The following L3MBTL4 variants were observed in gnomAD, a reference collection of about 807,000 sequenced individuals.
L3MBTL4 encodes the protein L3MBTL histone methyl-lysine binding protein 4, also known as lethal(3)malignant brain tumor-like protein 4.
Under a neutral mutation model 84.5 loss-of-function variants are expected in L3MBTL4, and 70 were observed. The observed-to-expected ratio is 0.83, with a 90% CI of 0.68 to 1.01. The LOEUF is 1.01. Among genes scored for constraint, L3MBTL4 ranks in the 50% least tolerant of loss-of-function variants. The probability of loss-of-function intolerance (pLI) is 0.00; values close to 1 mark genes in which losing one functional copy is unlikely to be tolerated. For synonymous variants in L3MBTL4, 274 were observed against 259.8 expected, an observed-to-expected ratio of 1.05 and a Z score of -0.52; for missense variants, 715 against 754.8, an observed-to-expected ratio of 0.95 and a Z score of 0.62.
chr18:6,092,175 A>G (rs9965494), intron 15 of L3MBTL4, among the ~76,000 whole-genome samples: 132,407 of 152,284 alleles, frequency 0.87, 57,845 homozygotes, highest in East Asian at 0.99. Flanking sequence ...AGTCATGTGC[A>G]CAGAGATCAA....
Position 6,295,346 on chromosome 18 carries a change from C to CTCTATA in L3MBTL4, c.127+6556_127+6557insTATAGA, listed in dbSNP as rs1261475809. On this transcript the variant is annotated intron_variant, in intron 4 of 18. Coordinates refer to ENST00000317931, the MANE Select transcript of L3MBTL4 (RefSeq NM_001330559.2). ...TCTCTCTCTCTCTCTCTCTCTCTCTCTATATATATATATATATATATATAT... is the reference window on the plus strand; with the variant it reads ...TCTCTCTCTCTCTCTCTCTCTCTCTCTCTATATATATATATATATATATATATATAT... Among the ~76,000 whole-genome samples, 392 of 81,314 alleles carry CTCTATA rather than the reference C, an allele frequency of 4.8e-3. 4 individuals carry two copies. Among genetic ancestry groups the CTCTATA allele is most frequent in the African/African-American group, 0.012 (187 of 15,064 alleles). 53.3% of individuals were successfully genotyped at this position (81,314 alleles called of 152,430 possible).
At chr18:5,997,053 GA>G in intron 16 of L3MBTL4, among the ~76,000 whole-genome samples, 1 of 142,056 alleles carries the variant, frequency 7.0e-6, no homozygotes, top group Admixed American at 6.8e-5. Context: ...AAATACTTGG[GA>G]AAAAACTAAA....
intron 4 of L3MBTL4, among the ~76,000 whole-genome samples, chr18:6,289,862 G>A (rs568105772): frequency 2.0e-5 from 3 of 152,212 alleles, no homozygotes; most frequent in African/African-American, 7.2e-5. Context: ...CATTTTTCCT[G>A]TATCTGATCA....
At chr18:6,014,054 C>A (rs984063966) in intron 16 of L3MBTL4, among the ~76,000 whole-genome samples, 19 of 152,106 alleles carry the variant, frequency 1.2e-4, no homozygotes, top group Non-Finnish European at 1.6e-4. Context: ...CCCAGTATGA[C>A]CTTTGGCCAG....
chr18:6,128,488 G>A (rs1568167805), intron 14 of L3MBTL4, among the ~76,000 whole-genome samples: 1 of 152,108 alleles, frequency 6.6e-6, no homozygotes, highest in Non-Finnish European at 1.5e-5. Flanking sequence ...CAGAGGGGAG[G>A]GGAGTGACAT....
At chr18:6,072,157 A>G (rs1363552484) in intron 16 of L3MBTL4, among the ~76,000 whole-genome samples, 3 of 152,198 alleles carry the variant, frequency 2.0e-5, no homozygotes, top group Non-Finnish European at 4.4e-5. Flanking sequence ...AATATAGCCT[A>G]AAAATGTGTA....
intron 16 of L3MBTL4, among the ~76,000 whole-genome samples, chr18:6,080,656 T>C (rs573797636): frequency 6.6e-6 from 1 of 152,182 alleles, no homozygotes; most frequent in Non-Finnish European, 1.5e-5. Flanking sequence ...ATAGAGATCA[T>C]AGAGTCCAGT....
intron 1 of L3MBTL4, among the ~76,000 whole-genome samples, chr18:6,387,835 T>C (rs2054886507): frequency 6.6e-6 from 1 of 152,152 alleles, no homozygotes; most frequent in African/African-American, 2.4e-5. Flanking sequence ...GGAAAAGACA[T>C]AGACAATTAT....
At chr18:6,367,043 G>A (rs1158544635) in intron 1 of L3MBTL4, among the ~76,000 whole-genome samples, 1 of 152,216 alleles carries the variant, frequency 6.6e-6, no homozygotes, top group African/African-American at 2.4e-5. Context: ...GTGCCAGAAG[G>A]CAAGGCCAGG....
At position 6,029,258 on chromosome 18, in the gene L3MBTL4, C is replaced by A. The variant is rs575550166; in HGVS notation, c.1444+51623G>T. Reference sequence around the variant, plus strand: ...GCCACACAGGAGACACAGTCACCTACAATCGCAGAGGGCCCTGACCCTGTC... The same window carrying A: ...GCCACACAGGAGACACAGTCACCTAAAATCGCAGAGGGCCCTGACCCTGTC... On this transcript the variant is annotated intron_variant, in intron 16 of 18. Transcript: ENST00000317931. The A allele has an allele frequency of 7.7e-4, 132 of 170,628 alleles. 2 individuals are homozygous for A. In the South Asian group the frequency reaches 0.013, roughly 17 times the overall value. 10.6% of individuals were successfully genotyped at this position (170,628 alleles called of 1,614,324 possible). A position where few individuals can be genotyped will look rare whatever the true frequency, so the allele number is the denominator to read the frequency against.
At chr18:6,207,343 C>T (rs1008779937) in intron 12 of L3MBTL4, among the ~76,000 whole-genome samples, 1 of 152,212 alleles carries the variant, frequency 6.6e-6, no homozygotes, top group Non-Finnish European at 1.5e-5. Context: ...CCACCTGGCT[C>T]TACCACTTAT....
chr18:6,236,241 C>T (rs995283828), intron 10 of L3MBTL4, among the ~76,000 whole-genome samples: 8 of 152,058 alleles, frequency 5.3e-5, no homozygotes, highest in Non-Finnish European at 1.0e-4. Context: ...ATTGGACATA[C>T]GAACCAATGA....
At chr18:5,966,738 A>C (rs191359987) in intron 17 of L3MBTL4, among the ~76,000 whole-genome samples, 28 of 151,380 alleles carry the variant, frequency 1.8e-4, no homozygotes, top group African/African-American at 6.8e-4. Flanking sequence ...CTTTGCCCCA[A>C]ATTTCACTTC....
chr18:6,355,974 G>C (rs552256735), intron 1 of L3MBTL4, among the ~76,000 whole-genome samples: 245 of 152,018 alleles, frequency 1.6e-3, no homozygotes, highest in African/African-American at 5.8e-3. Flanking sequence ...CACAATCAAC[G>C]GCCACCATAG....
chr18:6,315,186 C>T (rs1489478378), intron 1 of L3MBTL4, among the ~76,000 whole-genome samples: 1 of 151,894 alleles, frequency 6.6e-6, no homozygotes, highest in African/African-American at 2.4e-5. Context: ...GGACACTGCA[C>T]AGATCTTAAA....
intron 16 of L3MBTL4, among the ~76,000 whole-genome samples, chr18:6,032,579 T>C (rs746985523): frequency 4.6e-5 from 7 of 152,122 alleles, no homozygotes; most frequent in Admixed American, 4.6e-4. Flanking sequence ...ATTTACCGTC[T>C]TAACCATTTT....
intron 16 of L3MBTL4, among the ~76,000 whole-genome samples, chr18:6,026,188 G>C (rs1001588204): frequency 6.6e-6 from 1 of 152,104 alleles, no homozygotes; most frequent in African/African-American, 2.4e-5. Context: ...ACAAAGTATG[G>C]TTAGAACAAA....
chr18:6,287,024 T>C (rs561262129), intron 4 of L3MBTL4, among the ~76,000 whole-genome samples: 1 of 152,176 alleles, frequency 6.6e-6, no homozygotes, highest in Non-Finnish European at 1.5e-5. Flanking sequence ...TGGTCCTTCT[T>C]GGTAAGTCTG....
At chr18:6,190,641 G>A (rs2045031973) in intron 12 of L3MBTL4, among the ~76,000 whole-genome samples, 1 of 152,138 alleles carries the variant, frequency 6.6e-6, no homozygotes, top group African/African-American at 2.4e-5. Context: ...GAACAAAACA[G>A]GGGAAAAAAT....
Sources: gnomAD v4.1 joint callset for allele counts (sites outside exome capture counted in the v4.1 genomes callset) on GRCh38, gnomAD v4.1.1 for gene constraint, MANE v1.5 for transcripts, NCBI Gene and HGNC (gene_info 2026-07-23, HGNC 2026-07-21) for gene names.